The following NEK10 variants were observed in gnomAD, a reference collection of about 807,000 sequenced individuals.
NEK10 encodes the protein NIMA related kinase 10, also known as serine/threonine-protein kinase Nek10.
In NEK10, 122 loss-of-function variants were observed where a neutral mutation model predicts 159.8. The ratio of observed to expected loss-of-function variants is 0.76; its 90% CI spans 0.66 to 0.89. The LOEUF is 0.89. NEK10 is among the 40% of genes least tolerant of loss of function. The pLI, the probability that NEK10 is intolerant of heterozygous loss-of-function variation, is 0.00. For missense variants in NEK10, 1,342 were observed against 1,323.1 expected (o/e 1.01, Z -0.22); for synonymous variants, 466 against 457.1 (o/e 1.02, Z -0.25).
chr3:27,182,119 G>C (rs760650493), intron 26 of NEK10, among the ~76,000 whole-genome samples: 1 of 152,042 alleles, frequency 6.6e-6, no homozygotes, highest in Admixed American at 6.6e-5. Flanking sequence ...AAGTTCAAGA[G>C]ATCTATTGCA....
At chr3:27,195,323 T>C (rs1449436320) in intron 25 of NEK10, among the ~76,000 whole-genome samples, 6 of 152,204 alleles carry the variant, frequency 3.9e-5, no homozygotes, top group African/African-American at 1.4e-4. Context: ...TTTAAGAAAA[T>C]ACAAAATTTG....
intron 1 of NEK10, among the ~76,000 whole-genome samples, chr3:27,354,143 G>T (rs945246404): frequency 6.6e-6 from 1 of 152,116 alleles, no homozygotes; most frequent in Non-Finnish European, 1.5e-5. Flanking sequence ...TCGAATTCCT[G>T]CTCAAACTAT....
chr3:27,208,516 G>T (rs1046357476), intron 23 of NEK10, among the ~76,000 whole-genome samples: 1 of 152,182 alleles, frequency 6.6e-6, no homozygotes, highest in Non-Finnish European at 1.5e-5. Flanking sequence ...TGGAAGCCTG[G>T]ACAAGCCCAC....
chr3:27,361,424 T>C (rs536947773), intron 1 of NEK10, among the ~76,000 whole-genome samples: 1 of 152,234 alleles, frequency 6.6e-6, no homozygotes, highest in Non-Finnish European at 1.5e-5. Context: ...AGGAAGAATT[T>C]ATATTAACCC....
At chr3:27,162,255 C>A in intron 30 of NEK10, 2 of 891,338 alleles carry the variant, frequency 2.2e-6, no homozygotes, top group Non-Finnish European at 3.2e-6. Flanking sequence ...AAAAAACAGC[C>A]CATAATATTT....
At chr3:27,148,821 G>A (rs563752980) in intron 30 of NEK10, among the ~76,000 whole-genome samples, 2 of 152,092 alleles carry the variant, frequency 1.3e-5, no homozygotes, top group Admixed American at 6.5e-5. Context: ...CAAATGGCAT[G>A]AGTGTGAGTT....
chr3:27,211,310 G>C (rs1313871906), intron 23 of NEK10, among the ~76,000 whole-genome samples: 2 of 152,108 alleles, frequency 1.3e-5, no homozygotes, highest in African/African-American at 2.4e-5. Context: ...TTATTACATA[G>C]AGAGATCTGT....
intron 5 of NEK10, among the ~76,000 whole-genome samples, chr3:27,327,636 C>T (rs1210554232): frequency 6.6e-6 from 1 of 152,180 alleles, no homozygotes; most frequent in Admixed American, 6.5e-5. Flanking sequence ...AGTCAGTCCA[C>T]GAAGCTGTGC....
At position 27,346,151 on chromosome 3, in the gene NEK10, C is replaced by A. The variant is rs143419754; in HGVS notation, c.198G>T (p.Ala66=). 38 of 1,613,702 alleles carry A rather than the reference C, an allele frequency of 2.4e-5. No homozygotes were observed. In the African/African-American group the frequency reaches 4.7e-4, roughly 20 times the overall value. The part of the protein sequence containing the change: ...SMTKSEPAIR[A]GGHRARGQWH... Reference sequence around the variant, plus strand: ...ACTGACCCCGAGCTCTGTGTCCACCCGCCCTGATGGCGGGCTCAGACTTCG... The same window carrying A: ...ACTGACCCCGAGCTCTGTGTCCACCAGCCCTGATGGCGGGCTCAGACTTCG... Residue 66 remains alanine, a synonymous_variant, in exon 4 of 36, where the codon GCG becomes GCT. Coordinates refer to ENST00000691995, the MANE Select transcript of NEK10 (RefSeq NM_001394966.1).
intron 23 of NEK10, chr3:27,255,278 G>A (rs1039510784): frequency 1.6e-5 from 7 of 435,944 alleles, no homozygotes; most frequent in Non-Finnish European, 3.2e-5. Flanking sequence ...GCCTGCCACA[G>A]TTTCTTTGCA....
chr3:27,347,570 TATA>T (rs1456198736), intron 3 of NEK10, among the ~76,000 whole-genome samples: 2 of 151,652 alleles, frequency 1.3e-5, no homozygotes, highest in African/African-American at 4.8e-5. Context: ...CCTGACTTTT[TATA>T]ATGTCAGCTT....
intron 31 of NEK10, among the ~76,000 whole-genome samples, chr3:27,139,398 A>C (rs1943552869): frequency 6.6e-6 from 1 of 152,180 alleles, no homozygotes; most frequent in African/African-American, 2.4e-5. Flanking sequence ...CAACACAATG[A>C]GGGTCAAATC....
chr3:27,365,457 T>C (rs1313732575), intron 1 of NEK10, among the ~76,000 whole-genome samples: 1 of 152,186 alleles, frequency 6.6e-6, no homozygotes, highest in Non-Finnish European at 1.5e-5. Flanking sequence ...CTTAAGTCCA[T>C]GACTTTCATT....
chr3:27,351,429 A>T (rs920743202), intron 3 of NEK10, among the ~76,000 whole-genome samples: 1 of 152,308 alleles, frequency 6.6e-6, no homozygotes, highest in Middle Eastern at 3.4e-3. Flanking sequence ...GACTTCACCA[A>T]TTAGGAGGCT....
At chr3:27,215,048 C>A in intron 23 of NEK10, 1 of 592,188 alleles carries the variant, frequency 1.7e-6, no homozygotes, top group Non-Finnish European at 3.2e-6. Context: ...TCCAGCTTTC[C>A]TCTTGGCCGG....
intron 22 of NEK10, among the ~76,000 whole-genome samples, chr3:27,283,523 A>G (rs1262280314): frequency 2.0e-5 from 3 of 152,118 alleles, no homozygotes; most frequent in African/African-American, 4.8e-5. Flanking sequence ...ACGGTGAAAA[A>G]CATTTGGAGA....
intron 23 of NEK10, among the ~76,000 whole-genome samples, chr3:27,212,955 T>C (rs555149220): frequency 1.3e-5 from 2 of 152,318 alleles, no homozygotes; most frequent in South Asian, 2.1e-4. Flanking sequence ...GGAAACACTT[T>C]AGCTATGACA....
At chr3:27,142,682 A>G (rs1206691676) in intron 30 of NEK10, among the ~76,000 whole-genome samples, 1 of 152,202 alleles carries the variant, frequency 6.6e-6, no homozygotes, top group African/African-American at 2.4e-5. Context: ...TTTACCATAA[A>G]TATTTTGTTT....
chr3:27,181,024 G>T (rs1490573123), intron 26 of NEK10, among the ~76,000 whole-genome samples: 1 of 152,044 alleles, frequency 6.6e-6, no homozygotes, highest in Non-Finnish European at 1.5e-5. Flanking sequence ...GAGCTTGGCA[G>T]GCTCACTCCT....
Sources: allele counts gnomAD v4.1 joint callset (sites outside exome capture counted in the v4.1 genomes callset), GRCh38; gene constraint gnomAD v4.1.1; transcripts MANE v1.5; gene names NCBI Gene and HGNC (gene_info 2026-07-23, HGNC 2026-07-21).